ZFHX3: variants seen among roughly 807,000 people sequenced by gnomAD.
ZFHX3 encodes zinc finger homeobox protein 3.
In ZFHX3, 42 loss-of-function variants were observed where a neutral mutation model predicts 279.1. The ratio of observed to expected loss-of-function variants is 0.15; its 90% CI spans 0.12 to 0.19. The LOEUF (loss-of-function observed/expected upper bound fraction) is 0.19, where lower values mean the gene tolerates loss of function less well. ZFHX3 is among the 10% of genes least tolerant of loss of function. The probability of loss-of-function intolerance (pLI) is 1.00; values close to 1 mark genes in which losing one functional copy is unlikely to be tolerated. For synonymous variants in ZFHX3, 2,293 were observed against 1,957.8 expected (o/e 1.17, Z -4.52); for missense variants, 4,981 against 4,754.0 (o/e 1.05, Z -1.40).
intron 5 of ZFHX3, among the ~76,000 whole-genome samples, chr16:73,146,289 G>A (rs1270074007): frequency 6.6e-6 from 1 of 152,106 alleles, no homozygotes; most frequent in Non-Finnish European, 1.5e-5. Flanking sequence ...TTAACTGGGC[G>A]TGGTGGCACA....
intron 1 of ZFHX3, among the ~76,000 whole-genome samples, chr16:73,036,136 ACT>A (rs369817506): frequency 4.6e-5 from 7 of 150,764 alleles, no homozygotes; most frequent in South Asian, 2.1e-4. Flanking sequence ...GCATAGACAG[ACT>A]CTCTCTCTCT....
At chr16:73,765,869 G>A (rs1033918030) in intron 1 of ZFHX3, among the ~76,000 whole-genome samples, 3 of 152,138 alleles carry the variant, frequency 2.0e-5, no homozygotes, top group African/African-American at 7.2e-5. Flanking sequence ...CTCAACCCTT[G>A]GCCACACCAC....
chr16:73,614,209 G>A (rs959389383), intron 2 of ZFHX3, among the ~76,000 whole-genome samples: 7 of 152,204 alleles, frequency 4.6e-5, no homozygotes, highest in Non-Finnish European at 1.0e-4. Flanking sequence ...TGATGTGTAC[G>A]GGGCAAAAGT....
At position 73,513,525 on chromosome 16, in the gene ZFHX3, T is replaced by C. The variant is rs185664300; in HGVS notation, c.-1546-57267A>G. On this transcript the variant is annotated intron_variant, in intron 2 of 17. Coordinates refer to the ZFHX3 transcript ENST00000641206. ...TACAGATAGTTTGGCAATATGTTGATGTGAACTATACAGGATCTGATAGCC... is the reference window on the plus strand; with the variant it reads ...TACAGATAGTTTGGCAATATGTTGACGTGAACTATACAGGATCTGATAGCC... Among the ~76,000 whole-genome samples the C allele has an allele frequency of 2.8e-3, 428 of 152,296 alleles. 4 individuals carry two copies. The highest frequency in any genetic ancestry group is 9.8e-3 in the African/African-American group (407 of 41,552).
At chr16:73,814,453 T>C (rs1449194046) in intron 1 of ZFHX3, among the ~76,000 whole-genome samples, 2 of 152,240 alleles carry the variant, frequency 1.3e-5, no homozygotes, top group Non-Finnish European at 2.9e-5. Flanking sequence ...AAAATTTAAT[T>C]TTAAAACTTG....
At chr16:73,356,392 T>G (rs186886939) in intron 3 of ZFHX3, among the ~76,000 whole-genome samples, 73 of 152,156 alleles carry the variant, frequency 4.8e-4, no homozygotes, top group African/African-American at 1.6e-3. Flanking sequence ...AGAAAAACCC[T>G]GCTAATTGGA....
At chr16:73,140,084 T>A (rs149756502) in intron 6 of ZFHX3, among the ~76,000 whole-genome samples, 1 of 151,964 alleles carries the variant, frequency 6.6e-6, no homozygotes, top group Non-Finnish European at 1.5e-5. Context: ...TTGGGCAACA[T>A]AGTGAGACCT....
intron 2 of ZFHX3, among the ~76,000 whole-genome samples, chr16:73,507,484 A>G (rs1597362687): frequency 9.9e-6 from 1 of 101,332 alleles, no homozygotes; most frequent in Non-Finnish European, 1.9e-5. Flanking sequence ...CAGCTCTGCC[A>G]CTTTTTTTTT....
At chr16:73,619,767 C>T (rs1330532845) in intron 2 of ZFHX3, among the ~76,000 whole-genome samples, 2 of 152,050 alleles carry the variant, frequency 1.3e-5, no homozygotes, top group African/African-American at 4.8e-5. Flanking sequence ...AAACCCCACT[C>T]CCACCCACTT....
Position 73,089,758 on chromosome 16 carries a change from T to C in ZFHX3, c.-533+3477A>G, listed in dbSNP as rs16971569. Among the ~76,000 whole-genome samples the C allele has an allele frequency of 8.7e-3, 1,326 of 152,322 alleles. 23 individuals carry two copies. The highest frequency in any genetic ancestry group is 0.03 in the African/African-American group (1,259 of 41,558). ...CCCTGGGAGACTGACCTGCAGGCTT[T>C]ACTAATGATCGTCAAGCCTTTTGTT... On this transcript the variant is annotated intron_variant, in intron 8 of 17. Transcript: ENST00000641206.
intron 4 of ZFHX3, among the ~76,000 whole-genome samples, chr16:72,877,814 G>A (rs1333984559): frequency 6.6e-6 from 1 of 152,214 alleles, no homozygotes; most frequent in Non-Finnish European, 1.5e-5. Flanking sequence ...TGTACTCAAG[G>A]TTGCTGGAGA....
intron 1 of ZFHX3, among the ~76,000 whole-genome samples, chr16:73,768,259 G>A (rs562966376): frequency 5.6e-4 from 86 of 152,236 alleles, no homozygotes; most frequent in African/African-American, 1.7e-3. Flanking sequence ...AAACCAGAAA[G>A]CAAGGAGACC....
At chr16:72,907,418 C>CGA (rs1324151082) in intron 3 of ZFHX3, among the ~76,000 whole-genome samples, 53 of 151,994 alleles carry the variant, frequency 3.5e-4, no homozygotes, top group African/African-American at 1.2e-3. Context: ...AAAAATTATC[C>CGA]TCATCATTCT....
chr16:73,595,851 T>A (rs2052043642), intron 2 of ZFHX3, among the ~76,000 whole-genome samples: 1 of 152,142 alleles, frequency 6.6e-6, no homozygotes, highest in African/African-American at 2.4e-5. Context: ...TTCCTCTCCC[T>A]CACCTCTGCA....
intron 1 of ZFHX3, among the ~76,000 whole-genome samples, chr16:73,746,776 T>G (rs1389765229): frequency 6.6e-6 from 1 of 152,198 alleles, no homozygotes; most frequent in Non-Finnish European, 1.5e-5. Flanking sequence ...CCTGAAATTA[T>G]CATTTATATG....
chr16:73,362,286 G>C (rs1487293784), intron 3 of ZFHX3, among the ~76,000 whole-genome samples: 3 of 152,154 alleles, frequency 2.0e-5, no homozygotes, highest in Non-Finnish European at 4.4e-5. Context: ...GGGGCTTCCA[G>C]AGTTCCCCCC....
intron 6 of ZFHX3, among the ~76,000 whole-genome samples, chr16:73,132,756 G>C (rs1322716704): frequency 6.6e-6 from 1 of 152,172 alleles, no homozygotes; most frequent in East Asian, 1.9e-4. Context: ...TCAAGGGTTT[G>C]ATTAATCGTG....
At chr16:73,412,918 A>G (rs1481558452) in intron 3 of ZFHX3, among the ~76,000 whole-genome samples, 1 of 152,226 alleles carries the variant, frequency 6.6e-6, no homozygotes, top group African/African-American at 2.4e-5. Flanking sequence ...GTTGAAGAGC[A>G]ATAATACAGA....
At position 73,654,747 on chromosome 16, in the gene ZFHX3, T is replaced by C. The variant is rs149733490; in HGVS notation, c.-1547+25433A>G. 4.0e-3 allele frequency among the ~76,000 whole-genome samples: 610 copies of C among 151,838 alleles called. 9 individuals are homozygous for C. The highest frequency in any genetic ancestry group is 0.033 in the East Asian group (169 of 5,178). On this transcript the variant is annotated intron_variant, in intron 2 of 17. Transcript: ENST00000641206. ...CAATAAGAGGCAAAAAATTGATAAATGTGTAAACTCATTTTTACTAAAAAA... is the reference window on the plus strand; with the variant it reads ...CAATAAGAGGCAAAAAATTGATAAACGTGTAAACTCATTTTTACTAAAAAA...
Sources: allele counts gnomAD v4.1 joint callset (sites outside exome capture counted in the v4.1 genomes callset), GRCh38; gene constraint gnomAD v4.1.1; transcripts MANE v1.5; gene names NCBI Gene and HGNC (gene_info 2026-07-23, HGNC 2026-07-21).